SGCZ: variants seen among roughly 807,000 people sequenced by gnomAD.
SGCZ encodes the protein zeta-sarcoglycan.
Under a neutral mutation model 41.3 loss-of-function variants are expected in SGCZ, and 40 were observed. That is an observed-to-expected ratio of 0.97 (90% CI 0.75 to 1.26). SGCZ has a LOEUF of 1.26. Among genes scored for constraint, SGCZ ranks in the 50% most tolerant of loss-of-function variants. The pLI, the probability that SGCZ is intolerant of heterozygous loss-of-function variation, is 0.00. For missense variants in SGCZ, 552 were observed against 369.8 expected (o/e 1.49, Z -4.04); for synonymous variants, 206 against 137.5 (o/e 1.50, Z -3.49).
At chr8:14,339,370 C>T (rs866294210) in intron 2 of SGCZ, among the ~76,000 whole-genome samples, 2 of 152,244 alleles carry the variant, frequency 1.3e-5, no homozygotes, top group Middle Eastern at 3.4e-3. Context: ...TGGTTGTTCT[C>T]TAAATGTTTA....
chr8:15,038,869 T>G (rs2130972987), intron 1 of SGCZ, among the ~76,000 whole-genome samples: 1 of 138,066 alleles, frequency 7.2e-6, no homozygotes, highest in Non-Finnish European at 1.6e-5. Context: ...GGCCAAAAGA[T>G]ATGCGAAAAA....
rs1281691059 is a variant in SGCZ at position 14,554,764 on chromosome 8, T to C, written c.202A>G (p.Ile68Val). 1.9e-6 allele frequency: 3 copies of C among 1,612,768 alleles called. No homozygotes were observed. Among genetic ancestry groups the C allele is most frequent in the African/African-American group, 2.7e-5 (2 of 74,822 alleles). ...VTMIVNLAMT[I>V]WILKVMNFTV... ...AAATTCATAACTTTCAATATCCATATTGTCATGGCTAAGTTAACTATCATG... is the reference window on the plus strand; with the variant it reads ...AAATTCATAACTTTCAATATCCATACTGTCATGGCTAAGTTAACTATCATG... Residue 68 changes from isoleucine to valine, a missense_variant, in exon 2 of 8, where the codon ATA (isoleucine) becomes GTA (valine). Ile to Val is a conservative substitution (Grantham distance 29). Coordinates refer to ENST00000382080, the MANE Select transcript of SGCZ (RefSeq NM_139167.4).
At chr8:14,988,148 C>G (rs1320684656) in intron 1 of SGCZ, among the ~76,000 whole-genome samples, 1 of 151,876 alleles carries the variant, frequency 6.6e-6, no homozygotes, top group African/African-American at 2.4e-5. Context: ...GGGGATACAT[C>G]TCATTCTTTA....
rs1004090523 is a variant in SGCZ, at chr8:14,085,209, C to A, written c.*5234G>T. On this transcript the variant is annotated 3_prime_UTR_variant, in exon 8 of 8. Coordinates refer to ENST00000382080, the MANE Select transcript of SGCZ (RefSeq NM_139167.4). ...AGCTTTTGTAATTTTGGTAATATTG[C>A]AATTTTACAAACATGTTGCATAGTA... Among the ~76,000 whole-genome samples, 1 of 151,596 alleles carries A rather than the reference C, an allele frequency of 6.6e-6. No individual in the cohort carries two copies. Among genetic ancestry groups the A allele is most frequent in the South Asian group, 2.1e-4 (1 of 4,818 alleles).
At chr8:14,309,021 A>G (rs1247093533) in intron 3 of SGCZ, 12 of 1,182,028 alleles carry the variant, frequency 1.0e-5, no homozygotes, top group Non-Finnish European at 1.4e-5. Context: ...CACTTTTACC[A>G]GAAAATGAAA....
intron 2 of SGCZ, among the ~76,000 whole-genome samples, chr8:14,371,217 A>G (rs972097627): frequency 1.3e-5 from 2 of 151,998 alleles, no homozygotes; most frequent in African/African-American, 4.8e-5. Flanking sequence ...TGTCCAAAAA[A>G]GCTTATAATT....
chr8:14,357,197 A>C (rs1349093813), intron 2 of SGCZ, among the ~76,000 whole-genome samples: 1 of 152,206 alleles, frequency 6.6e-6, no homozygotes, highest in Non-Finnish European at 1.5e-5. Flanking sequence ...ACTTTCAAAT[A>C]CTGCTAAATC....
intron 2 of SGCZ, among the ~76,000 whole-genome samples, chr8:14,356,723 T>C (rs1343493309): frequency 2.0e-5 from 3 of 152,222 alleles, no homozygotes; most frequent in East Asian, 3.9e-4. Flanking sequence ...TATTTGATTA[T>C]ATATATTTTT....
rs374298836 is a variant in SGCZ, at chr8:15,148,747, G to A, written c.39+88838C>T. Among the ~76,000 whole-genome samples the A allele has an allele frequency of 3.3e-5, 5 of 152,280 alleles. No homozygotes were observed. In the East Asian group the frequency reaches 9.7e-4, roughly 29 times the overall value. ...AAGCCTGGATGCTTGACTTATAACT[G>A]AATTTCAGACACAAGCTGATACAAA... On this transcript the variant is annotated intron_variant, in intron 1 of 7. Coordinates refer to ENST00000382080, the MANE Select transcript of SGCZ (RefSeq NM_139167.4).
At chr8:14,324,333 T>G in intron 2 of SGCZ, 129 bp from the exon 3 acceptor site, 1 of 693,158 alleles carries the variant, frequency 1.4e-6, no homozygotes, top group East Asian at 2.7e-5. Flanking sequence ...AATGAGAGAT[T>G]GAATCTACTT....
At chr8:14,719,468 C>G (rs1422761920) in intron 1 of SGCZ, among the ~76,000 whole-genome samples, 1 of 151,346 alleles carries the variant, frequency 6.6e-6, no homozygotes, top group South Asian at 2.1e-4. Context: ...ACAGTCCCAC[C>G]AATAGTGTAA....
Position 14,618,703 on chromosome 8 carries a change from C to T in SGCZ, c.40-63777G>A, listed in dbSNP as rs1370947701. On this transcript the variant is annotated intron_variant, in intron 1 of 7. Coordinates refer to ENST00000382080, the MANE Select transcript of SGCZ (RefSeq NM_139167.4). ...TTGTGTAGGAAGAATAAATAAGAGTCTGTTAAAGTAATTCAGGAAACAAAT... is the reference window on the plus strand; with the variant it reads ...TTGTGTAGGAAGAATAAATAAGAGTTTGTTAAAGTAATTCAGGAAACAAAT... Among the ~76,000 whole-genome samples the T allele has an allele frequency of 3.9e-5, 6 of 152,138 alleles. No individual in the cohort carries two copies. In the East Asian group the frequency reaches 1.2e-3, roughly 29 times the overall value.
intron 1 of SGCZ, among the ~76,000 whole-genome samples, chr8:15,027,443 C>T (rs1227099912): frequency 6.6e-6 from 1 of 152,018 alleles, no homozygotes; most frequent in East Asian, 1.9e-4. Context: ...ATCCATGACA[C>T]TACTATGAGA....
chr8:14,288,901 T>C (rs1224022926), intron 3 of SGCZ, among the ~76,000 whole-genome samples: 1 of 152,294 alleles, frequency 6.6e-6, no homozygotes, highest in East Asian at 1.9e-4. Context: ...ACCAATAATG[T>C]GTGAGTGTTC....
chr8:15,125,090 G>A (rs1407474744), intron 1 of SGCZ, among the ~76,000 whole-genome samples: 2 of 152,098 alleles, frequency 1.3e-5, no homozygotes, highest in Non-Finnish European at 2.9e-5. Context: ...TATGGATACT[G>A]ACCCTTGTTT....
chr8:14,397,830 T>C (rs1798962773), intron 2 of SGCZ, among the ~76,000 whole-genome samples: 1 of 152,138 alleles, frequency 6.6e-6, no homozygotes, highest in Non-Finnish European at 1.5e-5. Context: ...CACAAGGTGC[T>C]TCGTCTAAGA....
intron 1 of SGCZ, among the ~76,000 whole-genome samples, chr8:14,741,892 A>G (rs1224963493): frequency 7.7e-6 from 1 of 129,624 alleles, no homozygotes; most frequent in Non-Finnish European, 1.6e-5. Flanking sequence ...ATTTAATCAC[A>G]AAACTTTTTC....
intron 1 of SGCZ, among the ~76,000 whole-genome samples, chr8:15,000,094 T>C (rs984031343): frequency 3.9e-5 from 6 of 151,984 alleles, no homozygotes; most frequent in Non-Finnish European, 7.4e-5. Flanking sequence ...ATAGTGAAAA[T>C]AGGACACCCA....
At chr8:14,688,577 A>G (rs1808694524) in intron 1 of SGCZ, among the ~76,000 whole-genome samples, 1 of 152,160 alleles carries the variant, frequency 6.6e-6, no homozygotes. Context: ...TACCAGTACC[A>G]TGCTGTTTTG....
Sources: allele counts gnomAD v4.1 joint callset (sites outside exome capture counted in the v4.1 genomes callset), GRCh38; gene constraint gnomAD v4.1.1; transcripts MANE v1.5; gene names NCBI Gene and HGNC (gene_info 2026-07-23, HGNC 2026-07-21).